Variants in LINGO2 observed in about 807,000 individuals in gnomAD.
The protein encoded by LINGO2 is leucine-rich repeat and immunoglobulin-like domain-containing nogo receptor-interacting protein 2.
A neutral mutation model predicts 30.6 loss-of-function variants in LINGO2; 14 were observed. That is an observed-to-expected ratio of 0.46 (90% CI 0.30 to 0.72). The LOEUF (loss-of-function observed/expected upper bound fraction) is 0.72. Ranked by LOEUF, LINGO2 falls within the 30% of genes least tolerant of loss-of-function variation. The pLI is 0.07. For missense variants in LINGO2, 729 were observed against 751.7 expected, an observed-to-expected ratio of 0.97 and a Z score of 0.35; for synonymous variants, 317 against 288.5, an observed-to-expected ratio of 1.10 and a Z score of -1.00.
chr9:28,543,698 A>G (rs1039149115), intron 1 of LINGO2, among the ~76,000 whole-genome samples: 5 of 152,102 alleles, frequency 3.3e-5, no homozygotes, highest in Non-Finnish European at 4.4e-5. Context: ...ACACTTAAGA[A>G]TGCTTGAAAG....
chr9:28,628,878 C>G lies in LINGO2; in HGVS notation c.-365+41322G>C, dbSNP rs77694605. Reference sequence around the variant, plus strand: ...CAGCTAATGCCTCTTTTCATAAGTGCTAGTGTGTAATACTTAACCAGCTCC... The same window carrying G: ...CAGCTAATGCCTCTTTTCATAAGTGGTAGTGTGTAATACTTAACCAGCTCC... On this transcript the variant is annotated intron_variant, in intron 1 of 5. Transcript: ENST00000379992. 8.3e-3 allele frequency among the ~76,000 whole-genome samples: 1,258 copies of G among 152,162 alleles called. 28 individuals carry two copies. Among genetic ancestry groups the G allele is most frequent in the East Asian group, 0.036 (188 of 5,182 alleles).
intron 3 of LINGO2, among the ~76,000 whole-genome samples, chr9:28,304,560 C>T (rs1824270930): frequency 6.6e-6 from 1 of 151,976 alleles, no homozygotes; most frequent in Admixed American, 6.6e-5. Context: ...CAACACACAC[C>T]TCTCACAGGC....
intron 3 of LINGO2, among the ~76,000 whole-genome samples, chr9:28,345,216 A>C (rs573447989): frequency 1.1e-4 from 17 of 152,276 alleles, no homozygotes; most frequent in Non-Finnish European, 2.4e-4. Context: ...CCAGCCAGTA[A>C]TTAATTGTGG....
chr9:28,944,562 C>G, the LINGO2 span, among the ~76,000 whole-genome samples: 17 of 152,150 alleles, frequency 1.1e-4, 1 homozygote, highest in Middle Eastern at 6.8e-3. Context: ...CCTGCCACCA[C>G]GCCTGGCTAA....
chr9:28,277,596 G>C (rs1365594606), intron 4 of LINGO2, among the ~76,000 whole-genome samples: 1 of 152,094 alleles, frequency 6.6e-6, no homozygotes, highest in Non-Finnish European at 1.5e-5. Context: ...CTGAGGTCAG[G>C]AGTTTGAGAC....
chr9:28,461,858 G>A (rs935266597), intron 2 of LINGO2, among the ~76,000 whole-genome samples: 14 of 152,142 alleles, frequency 9.2e-5, no homozygotes, highest in African/African-American at 3.4e-4. Context: ...AATGGTGACA[G>A]CTCTACATAT....
chr9:28,848,302 A>C, the LINGO2 span, among the ~76,000 whole-genome samples: 9 of 127,914 alleles, frequency 7.0e-5, 2 homozygotes, highest in Non-Finnish European at 8.1e-5. Context: ...TATATATACT[A>C]TATATACGCA....
chr9:27,940,270 G>C, the LINGO2 span: 1 of 152,006 alleles, frequency 6.6e-6, no homozygotes, highest in Non-Finnish European at 1.5e-5. Context: ...CAATGACAGC[G>C]TTATAGAATA....
chr9:28,808,488 G>C, the LINGO2 span, among the ~76,000 whole-genome samples: 1 of 152,094 alleles, frequency 6.6e-6, no homozygotes, highest in Non-Finnish European at 1.5e-5. Context: ...TAGTAATAAA[G>C]TGAAACAATT....
chr9:28,045,796 G>A (rs562693938), intron 4 of LINGO2, among the ~76,000 whole-genome samples: 11 of 152,292 alleles, frequency 7.2e-5, no homozygotes, highest in East Asian at 1.9e-4. Context: ...AACTTACAGC[G>A]TGGAGAGACA....
In LINGO2 at chr9:27,977,928, G is replaced by A. The variant is rs559102118; in HGVS notation, c.-35-27222C>T. Among the ~76,000 whole-genome samples the A allele has an allele frequency of 3.2e-4, 49 of 152,122 alleles. No individual in the cohort carries two copies. In the South Asian group the frequency reaches 7.7e-3, roughly 24 times the overall value. ...TAGGCATTAAGAGATGTTGCAAGCC[G>A]TTTGTCCCAGATTCTGGCTCTGCAA... is the stretch of plus-strand genomic sequence containing the variant. On this transcript the variant is annotated intron_variant, in intron 5 of 5. Transcript: ENST00000379992.
chr9:28,353,830 A>G (rs1820031385), intron 3 of LINGO2, among the ~76,000 whole-genome samples: 2 of 152,100 alleles, frequency 1.3e-5, no homozygotes, highest in African/African-American at 4.8e-5. Flanking sequence ...GCCATAAAAA[A>G]TGATGAGTTC....
chr9:28,214,805 G>C (rs1037258403), intron 4 of LINGO2, among the ~76,000 whole-genome samples: 1 of 151,658 alleles, frequency 6.6e-6, no homozygotes, highest in South Asian at 2.1e-4. Context: ...GCAATGTGAT[G>C]CTAGAGTAAA....
intron 1 of LINGO2, among the ~76,000 whole-genome samples, chr9:28,652,243 T>C (rs1218082391): frequency 5.3e-5 from 8 of 152,172 alleles, no homozygotes; most frequent in Admixed American, 2.6e-4. Context: ...GGTTTAAAAA[T>C]AGTATACTGA....
chr9:29,145,716 TAA>T, the LINGO2 span, among the ~76,000 whole-genome samples: 1 of 152,162 alleles, frequency 6.6e-6, no homozygotes, highest in Non-Finnish European at 1.5e-5. Context: ...TGATTTAATA[TAA>T]AGAGTAAGCA....
intron 2 of LINGO2, among the ~76,000 whole-genome samples, chr9:28,442,779 TTA>T (rs149764224): frequency 6.6e-6 from 1 of 151,596 alleles, no homozygotes; most frequent in African/African-American, 2.4e-5. Context: ...CCTGTGACAG[TTA>T]TATATATATA....
the LINGO2 span, among the ~76,000 whole-genome samples, chr9:28,915,942 G>A: frequency 7.9e-5 from 12 of 152,064 alleles, no homozygotes; most frequent in African/African-American, 2.9e-4. Context: ...GCGAATTTCT[G>A]GCTTGGCTCT....
chr9:28,100,564 A>ATTGTTCAGTGTT (rs750162587), intron 4 of LINGO2, among the ~76,000 whole-genome samples: 2 of 152,172 alleles, frequency 1.3e-5, no homozygotes, highest in African/African-American at 4.8e-5. Flanking sequence ...AAAGAAAATT[A>ATTGTTCAGTGTT]ATTCAGTGTT....
the LINGO2 span, among the ~76,000 whole-genome samples, chr9:29,017,500 TAATG>T: frequency 6.6e-6 from 1 of 152,038 alleles, no homozygotes; most frequent in African/African-American, 2.4e-5. Context: ...TTAAAAATAA[TAATG>T]GGAGGGCAGT....
Sources: allele counts gnomAD v4.1 joint callset (sites outside exome capture counted in the v4.1 genomes callset), GRCh38; gene constraint gnomAD v4.1.1; transcripts MANE v1.5; gene names NCBI Gene and HGNC (gene_info 2026-07-23, HGNC 2026-07-21).